Variants in NNT observed in about 807,000 individuals in gnomAD.
The protein encoded by NNT is NAD(P) transhydrogenase, mitochondrial.
In NNT, 50 loss-of-function variants were observed where a neutral mutation model predicts 104.8. That is an observed-to-expected ratio of 0.48 (90% CI 0.38 to 0.60). The LOEUF (loss-of-function observed/expected upper bound fraction) is 0.60. Ranked by LOEUF, NNT falls within the 20% of genes least tolerant of loss-of-function variation. The probability of loss-of-function intolerance (pLI) is 0.00; values close to 1 mark genes in which losing one functional copy is unlikely to be tolerated. For synonymous variants in NNT, 461 were observed against 490.4 expected, an observed-to-expected ratio of 0.94 and a Z score of 0.79; for missense variants, 1,131 against 1,330.7, an observed-to-expected ratio of 0.85 and a Z score of 2.33.
At chr5:43,630,694 C>G (rs1429076208) in intron 7 of NNT, among the ~76,000 whole-genome samples, 1 of 152,196 alleles carries the variant, frequency 6.6e-6, no homozygotes. Flanking sequence ...CTTGATCTAA[C>G]AAGATTTGGG....
chr5:43,649,948 A>G (rs1331863399), intron 11 of NNT, among the ~76,000 whole-genome samples: 1 of 152,204 alleles, frequency 6.6e-6, no homozygotes, highest in Non-Finnish European at 1.5e-5. Flanking sequence ...CTCAGGGCCA[A>G]TAGTCATCTT....
At chr5:43,670,079 A>C (rs970159752) in intron 17 of NNT, among the ~76,000 whole-genome samples, 1 of 152,122 alleles carries the variant, frequency 6.6e-6, no homozygotes, top group Non-Finnish European at 1.5e-5. Context: ...AGAGGTGTTT[A>C]TAGTATTCTC....
At chr5:43,623,205 A>T (rs559716631) in intron 5 of NNT, among the ~76,000 whole-genome samples, 1 of 152,308 alleles carries the variant, frequency 6.6e-6, no homozygotes, top group Admixed American at 6.5e-5. Flanking sequence ...ACATGTGGGC[A>T]TGATGGGTGG....
chr5:43,691,064 T>G (rs1468048176), intron 19 of NNT, among the ~76,000 whole-genome samples: 1 of 144,778 alleles, frequency 6.9e-6, no homozygotes, highest in Non-Finnish European at 1.5e-5. Flanking sequence ...AGAATTTTTT[T>G]GAGAGAGTGT....
At chr5:43,686,482 A>G (rs1198208024) in intron 19 of NNT, among the ~76,000 whole-genome samples, 1 of 152,042 alleles carries the variant, frequency 6.6e-6, no homozygotes, top group Non-Finnish European at 1.5e-5. Flanking sequence ...ACAGTTTTTT[A>G]GTATTTTTGA....
At chr5:43,629,149 C>A (rs924195231) in intron 7 of NNT, among the ~76,000 whole-genome samples, 1 of 152,006 alleles carries the variant, frequency 6.6e-6, no homozygotes, top group African/African-American at 2.4e-5. Flanking sequence ...TTTTATCCCT[C>A]ACCCCCCCTC....
At chr5:43,649,011 T>TA (rs1246504997) in intron 10 of NNT, 136 bp from the exon 11 acceptor site, 3 of 1,023,314 alleles carry the variant, frequency 2.9e-6, no homozygotes, top group Non-Finnish European at 4.4e-6. Flanking sequence ...GTCAAATGTC[T>TA]AAAAAATCTG....
At chr5:43,631,128 G>A (rs1281967214) in intron 7 of NNT, among the ~76,000 whole-genome samples, 5 of 152,104 alleles carry the variant, frequency 3.3e-5, no homozygotes, top group African/African-American at 1.2e-4. Flanking sequence ...CCAGATAACC[G>A]CATCCCCCCA....
intron 17 of NNT, among the ~76,000 whole-genome samples, chr5:43,666,328 C>T (rs1006090781): frequency 5.3e-5 from 8 of 152,118 alleles, no homozygotes; most frequent in African/African-American, 1.4e-4. Context: ...AGCGAGACTC[C>T]GTCTGCAACC....
At chr5:43,685,588 A>G (rs928251995) in intron 19 of NNT, among the ~76,000 whole-genome samples, 11 of 152,158 alleles carry the variant, frequency 7.2e-5, no homozygotes, top group East Asian at 1.9e-4. Context: ...GCCCAATTGT[A>G]CTTACAGTTT....
At chr5:43,648,127 C>G in intron 10 of NNT, 2 of 1,184,582 alleles carry the variant, frequency 1.7e-6, no homozygotes, top group East Asian at 5.8e-5. Context: ...GTATCTAACT[C>G]TCTCACCAGA....
At chr5:43,637,178 A>C (rs1439470136) in intron 7 of NNT, among the ~76,000 whole-genome samples, 1 of 152,152 alleles carries the variant, frequency 6.6e-6, no homozygotes, top group Non-Finnish European at 1.5e-5. Context: ...CACAGCTTTC[A>C]TATCTGTGAT....
chr5:43,682,203 G>A (rs1227059400), intron 19 of NNT, among the ~76,000 whole-genome samples: 1 of 141,254 alleles, frequency 7.1e-6, no homozygotes, highest in African/African-American at 2.6e-5. Flanking sequence ...CTGTCTAACT[G>A]GATTCTTTTT....
chr5:43,654,939 A>G (rs1054698629), intron 14 of NNT, among the ~76,000 whole-genome samples: 7 of 152,296 alleles, frequency 4.6e-5, no homozygotes, highest in African/African-American at 1.7e-4. Context: ...ACCTTTAGAC[A>G]TGATCTTAGC....
At chr5:43,657,034 C>T (rs1740091531) in intron 16 of NNT, among the ~76,000 whole-genome samples, 1 of 152,162 alleles carries the variant, frequency 6.6e-6, no homozygotes, top group African/African-American at 2.4e-5. Context: ...TTAAAGTTGT[C>T]ACATGAGACA....
chr5:43,621,386 AAATC>A (rs1169578639), intron 5 of NNT, among the ~76,000 whole-genome samples: 4 of 152,198 alleles, frequency 2.6e-5, no homozygotes, highest in African/African-American at 9.7e-5. Flanking sequence ...GATTGAATGA[AAATC>A]AATCAGTTGA....
intron 19 of NNT, among the ~76,000 whole-genome samples, chr5:43,678,711 G>A (rs1741551832): frequency 1.3e-5 from 2 of 152,198 alleles, no homozygotes; most frequent in African/African-American, 4.8e-5. Flanking sequence ...AGCTGAGTTA[G>A]CCAGTCAGAG....
At chr5:43,680,187 T>A (rs1166035977) in intron 19 of NNT, among the ~76,000 whole-genome samples, 1 of 152,156 alleles carries the variant, frequency 6.6e-6, no homozygotes, top group East Asian at 1.9e-4. Flanking sequence ...GTGATTTTGC[T>A]TTGTGCGTGT....
chr5:43,682,027 A>AT (rs70997429), intron 19 of NNT, among the ~76,000 whole-genome samples: 5,698 of 152,118 alleles, frequency 0.037, 218 homozygotes, highest in East Asian at 0.2. Flanking sequence ...ATTTTCATTT[A>AT]TTTTTTATGT....
Sources: allele counts gnomAD v4.1 joint callset (sites outside exome capture counted in the v4.1 genomes callset), GRCh38; gene constraint gnomAD v4.1.1; transcripts MANE v1.5; gene names NCBI Gene and HGNC (gene_info 2026-07-23, HGNC 2026-07-21).